PDE8B: variants seen among roughly 807,000 people sequenced by gnomAD.
PDE8B encodes the protein high affinity cAMP-specific and IBMX-insensitive 3',5'-cyclic phosphodiesterase 8B.
PDE8B carries 26 observed loss-of-function variants against 101.3 expected under a neutral mutation model. The ratio of observed to expected loss-of-function variants is 0.26; its 90% confidence interval spans 0.19 to 0.36. PDE8B has a LOEUF of 0.36. Ranked by LOEUF, PDE8B falls within the 10% of genes least tolerant of loss-of-function variation. The pLI, the probability that PDE8B is intolerant of heterozygous loss-of-function variation, is 1.00. For synonymous variants in PDE8B, 424 were observed against 429.3 expected (o/e 0.99, Z 0.15); for missense variants, 810 against 1,163.1 (o/e 0.70, Z 4.42).
chr5:77,407,802 A>G (rs1793780233), intron 13 of PDE8B, among the ~76,000 whole-genome samples: 1 of 152,194 alleles, frequency 6.6e-6, no homozygotes, highest in Non-Finnish European at 1.5e-5. Context: ...CAGCCAGGGA[A>G]AAAGCATTGC....
chr5:77,092,294 CTCT>C, the PDE8B span, among the ~76,000 whole-genome samples: 1 of 151,962 alleles, frequency 6.6e-6, no homozygotes, highest in Non-Finnish European at 1.5e-5. Context: ...AATCAGAAAT[CTCT>C]TTCTTGTGTT....
Position 77,391,598 on chromosome 5 carries a change from G to A in PDE8B, c.1168-8650G>A, listed in dbSNP as rs143887195. 9.8e-4 allele frequency among the ~76,000 whole-genome samples: 150 copies of A among 152,308 alleles called. 1 individual carries two copies. The highest frequency in any genetic ancestry group is 3.4e-3 in the African/African-American group (143 of 41,572). On this transcript the variant is annotated intron_variant, in intron 10 of 21. Transcript: ENST00000264917. ...CTGCTTCTCCCTGTACCTAGTGGCT[G>A]GCATACATTTCCATCCCCAAAGCAG...
the PDE8B span, among the ~76,000 whole-genome samples, chr5:77,123,969 G>A: frequency 3.9e-4 from 59 of 152,290 alleles, no homozygotes; most frequent in African/African-American, 1.3e-3. Flanking sequence ...ATCCTGGAAA[G>A]GCAACAGTTT....
At chr5:77,393,643 T>C (rs1403685121) in intron 10 of PDE8B, among the ~76,000 whole-genome samples, 2 of 152,248 alleles carry the variant, frequency 1.3e-5, no homozygotes, top group African/African-American at 4.8e-5. Context: ...TTATTAGTCA[T>C]ATAGGCTTCT....
At chr5:77,171,162 T>C in the PDE8B span, among the ~76,000 whole-genome samples, 1 of 152,312 alleles carries the variant, frequency 6.6e-6, no homozygotes, top group African/African-American at 2.4e-5. Context: ...GCATAGGCCT[T>C]GTAGTGTGGA....
chr5:77,412,318 T>A, intron 16 of PDE8B, 83 bp downstream of exon 16: 1 of 1,450,298 alleles, frequency 6.9e-7, no homozygotes, highest in Non-Finnish European at 9.6e-7. Context: ...GAGGGAGACA[T>A]GTTTTTGCTG....
chr5:77,147,694 A>G, the PDE8B span: 4 of 152,176 alleles, frequency 2.6e-5, no homozygotes, highest in Admixed American at 6.6e-5. Context: ...GCAAGTTGCC[A>G]TGTGAAGAGG....
At chr5:77,156,441 G>C in the PDE8B span, among the ~76,000 whole-genome samples, 34 of 152,322 alleles carry the variant, frequency 2.2e-4, no homozygotes, top group East Asian at 6.6e-3. Context: ...TGGAGAAGGA[G>C]AGCTAGCTGG....
At chr5:77,340,642 T>TGTGTGTGTGTGTG (rs5741527) in intron 6 of PDE8B, among the ~76,000 whole-genome samples, 1 of 144,780 alleles carries the variant, frequency 6.9e-6, no homozygotes, top group East Asian at 2.1e-4. Context: ...TGTGTGTGTG[T>TGTGTGTGTGTGTG]TGTTTTAGTG....
intron 1 of PDE8B, among the ~76,000 whole-genome samples, chr5:77,280,181 A>G (rs1408404555): frequency 6.6e-6 from 1 of 152,190 alleles, no homozygotes; most frequent in Non-Finnish European, 1.5e-5. Context: ...ATCATTCCCA[A>G]GGTCATGAGA....
chr5:77,280,058 C>T (rs1203408534), intron 1 of PDE8B, among the ~76,000 whole-genome samples: 1 of 152,206 alleles, frequency 6.6e-6, no homozygotes, highest in African/African-American at 2.4e-5. Flanking sequence ...GGTTGGTGTG[C>T]ATTGAGGAAG....
chr5:77,202,144 A>C, the PDE8B span, among the ~76,000 whole-genome samples: 2 of 152,192 alleles, frequency 1.3e-5, no homozygotes, highest in African/African-American at 4.8e-5. Flanking sequence ...TCAAAATACA[A>C]ATTTTGGGAG....
upstream of PDE8B, chr5:77,210,663 G>C: frequency 4.1e-6 from 4 of 981,168 alleles, no homozygotes; most frequent in Non-Finnish European, 4.8e-6. This position sits in a 1 kb window ranked among gnomAD's most constrained non-coding sequence, Gnocchi z 4.9. Flanking sequence ...GGCGGCCGCT[G>C]GTGCGCGCGG....
chr5:77,125,837 C>G, the PDE8B span, among the ~76,000 whole-genome samples: 1 of 152,078 alleles, frequency 6.6e-6, no homozygotes, highest in African/African-American at 2.4e-5. Flanking sequence ...TTAATGAGAA[C>G]AGAGTTTCAG....
chr5:77,383,326 C>G (rs1305439016), intron 10 of PDE8B, among the ~76,000 whole-genome samples: 2 of 152,084 alleles, frequency 1.3e-5, no homozygotes, highest in Non-Finnish European at 2.9e-5. Flanking sequence ...TTTGTAGATT[C>G]TGGATATTAG....
At chr5:77,226,724 T>C (rs1482291277) in intron 1 of PDE8B, among the ~76,000 whole-genome samples, 2 of 152,238 alleles carry the variant, frequency 1.3e-5, no homozygotes, top group African/African-American at 4.8e-5. Flanking sequence ...AATATAGTTT[T>C]AGCTGAAGCT....
chr5:77,321,844 C>T (rs945226568), intron 2 of PDE8B, among the ~76,000 whole-genome samples: 1 of 152,116 alleles, frequency 6.6e-6, no homozygotes, highest in Non-Finnish European at 1.5e-5. Context: ...ATCTGTTGGC[C>T]TTGCAACAGA....
In PDE8B at chr5:77,412,996, G is replaced by C. The variant is rs903484264; in HGVS notation, c.1713-115G>C. 3.5e-6 allele frequency: 3 copies of C among 852,226 alleles called. No homozygotes were observed. In the African/African-American group the frequency reaches 5.0e-5, roughly 14 times the overall value. The allele number at this position is 852,226 out of a possible 1,614,324, so 52.8% of individuals were successfully genotyped here. Reference sequence around the variant, plus strand: ...TTAGAGGAGATGCTTTTAAACCCCTGTGTGTGTGAAGCTATCATCAGAAGA... The same window carrying C: ...TTAGAGGAGATGCTTTTAAACCCCTCTGTGTGTGAAGCTATCATCAGAAGA... On this transcript the variant is annotated intron_variant, in intron 16 of 21. Transcript: ENST00000264917.
At chr5:77,145,715 A>G in the PDE8B span, 1 of 152,234 alleles carries the variant, frequency 6.6e-6, no homozygotes, top group Non-Finnish European at 1.5e-5. Flanking sequence ...CCCACAAAGT[A>G]TTTAAGAAAA....
Sources: gnomAD v4.1 joint callset for allele counts (sites outside exome capture counted in the v4.1 genomes callset) on GRCh38, gnomAD v4.1.1 for gene constraint, Gnocchi (gnomAD v3.1) non-coding constraint, MANE v1.5 for transcripts, NCBI Gene and HGNC (gene_info 2026-07-23, HGNC 2026-07-21) for gene names.